The following BRINP2 variants were observed in gnomAD, a reference collection of about 807,000 sequenced individuals.
BRINP2 encodes the protein BMP/retinoic acid inducible neural specific 2.
A neutral mutation model predicts 69.2 loss-of-function variants in BRINP2; 21 were observed. The ratio of observed to expected loss-of-function variants is 0.30; its 90% CI spans 0.22 to 0.44. The LOEUF is 0.44. BRINP2 is among the 20% of genes least tolerant of loss of function. The pLI is 1.00. For missense variants in BRINP2, 877 were observed against 986.0 expected, an observed-to-expected ratio of 0.89 and a Z score of 1.48; for synonymous variants, 380 against 394.1, an observed-to-expected ratio of 0.96 and a Z score of 0.42.
intron 2 of BRINP2, among the ~76,000 whole-genome samples, chr1:177,241,865 T>A (rs1650215258): frequency 6.6e-6 from 1 of 152,202 alleles, no homozygotes. Flanking sequence ...GGAGCTGAAA[T>A]CTCAGTGCTT....
intron 1 of BRINP2, among the ~76,000 whole-genome samples, chr1:177,173,838 G>A (rs1648010735): frequency 6.6e-6 from 1 of 152,226 alleles, no homozygotes; most frequent in Non-Finnish European, 1.5e-5. Flanking sequence ...CAAACAAGAG[G>A]TAATCTGGAG....
rs1260833619 is a variant in BRINP2 at position 177,179,587 on chromosome 1, T to C, written c.-77+7855T>C. The stretch of plus-strand genomic sequence containing the variant: ...GCATGGCACACACACACTCTTTCTC[T>C]CACACACACACTCTTTCTCTCACAC... On this transcript the variant is annotated intron_variant, in intron 1 of 7. Coordinates refer to ENST00000361539, the MANE Select transcript of BRINP2 (RefSeq NM_021165.4). 3.9e-5 allele frequency among the ~76,000 whole-genome samples: 6 copies of C among 151,904 alleles called. No individual in the cohort carries two copies. In the Middle Eastern group the frequency reaches 0.017, roughly 434 times the overall value.
intron 2 of BRINP2, among the ~76,000 whole-genome samples, chr1:177,242,117 C>T (rs1297139167): frequency 6.6e-6 from 1 of 152,218 alleles, no homozygotes; most frequent in Non-Finnish European, 1.5e-5. Flanking sequence ...ACTCCTGCCT[C>T]TTCTCTATTC....
intron 2 of BRINP2, among the ~76,000 whole-genome samples, chr1:177,240,434 A>G (rs1650163449): frequency 6.6e-6 from 1 of 152,194 alleles, no homozygotes; most frequent in Non-Finnish European, 1.5e-5. Context: ...ACTGTACCCT[A>G]TAAATGTACA....
chr1:177,226,740 A>T (rs1649704077), intron 1 of BRINP2, among the ~76,000 whole-genome samples: 1 of 152,192 alleles, frequency 6.6e-6, no homozygotes, highest in Non-Finnish European at 1.5e-5. Context: ...TTTCAGTGTC[A>T]CATGGTTACT....
At chr1:177,231,120 A>T (rs1649850778) in intron 2 of BRINP2, among the ~76,000 whole-genome samples, 2 of 152,236 alleles carry the variant, frequency 1.3e-5, no homozygotes, top group African/African-American at 4.8e-5. Context: ...TCATATGAAC[A>T]CACTAATGTT....
intron 1 of BRINP2, among the ~76,000 whole-genome samples, chr1:177,179,022 G>A (rs1167453686): frequency 4.6e-5 from 7 of 152,150 alleles, no homozygotes; most frequent in South Asian, 2.1e-4. Flanking sequence ...TTTTATAGAC[G>A]CTGAGTTGAA....
chr1:177,200,784 T>G (rs1348863526), intron 1 of BRINP2, among the ~76,000 whole-genome samples: 3 of 152,194 alleles, frequency 2.0e-5, no homozygotes, highest in Admixed American at 6.5e-5. Context: ...TATACACACC[T>G]ACCCACCAGA....
At chr1:177,244,987 T>C (rs1650328901) in intron 2 of BRINP2, among the ~76,000 whole-genome samples, 1 of 152,030 alleles carries the variant, frequency 6.6e-6, no homozygotes, top group African/African-American at 2.4e-5. Flanking sequence ...CACAAGTGAG[T>C]GATATTGCAA....
chr1:177,209,215 A>T (rs976618756), intron 1 of BRINP2, among the ~76,000 whole-genome samples: 6 of 145,110 alleles, frequency 4.1e-5, no homozygotes, highest in Non-Finnish European at 6.1e-5. Context: ...TAGGATATTT[A>T]AAAAAAAAAA....
chr1:177,252,391 T>C (rs956541989), intron 2 of BRINP2, among the ~76,000 whole-genome samples: 3 of 152,180 alleles, frequency 2.0e-5, no homozygotes, highest in South Asian at 2.1e-4. Context: ...ATGCCTCAAA[T>C]GTGGCATGGA....
At chr1:177,188,313 A>C (rs1648490113) in intron 1 of BRINP2, among the ~76,000 whole-genome samples, 1 of 152,224 alleles carries the variant, frequency 6.6e-6, no homozygotes, top group Non-Finnish European at 1.5e-5. Context: ...GCAGTAATAA[A>C]GCAGACAAAA....
intron 4 of BRINP2, among the ~76,000 whole-genome samples, chr1:177,268,562 A>T (rs1651201618): frequency 6.6e-6 from 1 of 152,120 alleles, no homozygotes; most frequent in South Asian, 2.1e-4. Context: ...CTTTTTGTTT[A>T]TTTAATGTAT....
At chr1:177,256,461 C>G in intron 3 of BRINP2, 1 of 985,362 alleles carries the variant, frequency 1.0e-6, no homozygotes, top group Non-Finnish European at 1.2e-6. Flanking sequence ...ATGGTCAGAC[C>G]CACAGGCAAA....
At chr1:177,222,113 G>A (rs954841476) in intron 1 of BRINP2, among the ~76,000 whole-genome samples, 8 of 152,280 alleles carry the variant, frequency 5.3e-5, no homozygotes, top group Non-Finnish European at 8.8e-5. Context: ...ATGAGGAAAC[G>A]CCTTTTAACA....
chr1:177,222,168 CAACAA>C lies in BRINP2; in HGVS notation c.-76-7626_-76-7622del, dbSNP rs576775282. On this transcript the variant is annotated intron_variant, in intron 1 of 7. Transcript: ENST00000361539. ...CTTCAGTTTTCTCACCTGTAAACAA[CAACAA>C]AACAAACAAACAAAAACTAAGATTG... is the stretch of plus-strand genomic sequence containing the variant. Among the ~76,000 whole-genome samples the C allele has an allele frequency of 1.3e-3, 204 of 152,290 alleles. 2 individuals are homozygous for C. Among genetic ancestry groups the C allele is most frequent in the Middle Eastern group, 3.4e-3 (1 of 294 alleles).
chr1:177,216,302 C>G (rs1044065522), intron 1 of BRINP2, among the ~76,000 whole-genome samples: 5 of 151,944 alleles, frequency 3.3e-5, no homozygotes, highest in Non-Finnish European at 7.4e-5. Context: ...TGCCATGAGG[C>G]TTACATAGAA....
At chr1:177,241,384 T>C (rs891722773) in intron 2 of BRINP2, among the ~76,000 whole-genome samples, 3 of 152,190 alleles carry the variant, frequency 2.0e-5, no homozygotes, top group African/African-American at 4.8e-5. Context: ...TTGCTTTCTT[T>C]TATTTCTCTA....
intron 2 of BRINP2, among the ~76,000 whole-genome samples, chr1:177,231,637 C>T (rs1258127638): frequency 6.6e-6 from 1 of 152,162 alleles, no homozygotes; most frequent in African/African-American, 2.4e-5. Context: ...AATCACCTAC[C>T]CAGCTCTCCT....
Sources: allele counts gnomAD v4.1 joint callset (sites outside exome capture counted in the v4.1 genomes callset), GRCh38; gene constraint gnomAD v4.1.1; transcripts MANE v1.5; gene names NCBI Gene and HGNC (gene_info 2026-07-23, HGNC 2026-07-21).